The following TAOK1 variants were observed in gnomAD, a reference collection of about 807,000 sequenced individuals.
TAOK1 encodes the protein serine/threonine-protein kinase TAO1.
TAOK1 carries 21 observed loss-of-function variants against 138.3 expected under a neutral mutation model. The observed-to-expected ratio is 0.15, with a 90% CI of 0.11 to 0.22. TAOK1 has a LOEUF of 0.22. TAOK1 is among the 10% of genes least tolerant of loss of function. The pLI, the probability that TAOK1 is intolerant of heterozygous loss-of-function variation, is 1.00. For synonymous variants in TAOK1, 361 were observed against 398.4 expected, an observed-to-expected ratio of 0.91 and a Z score of 1.12; for missense variants, 651 against 1,227.7, an observed-to-expected ratio of 0.53 and a Z score of 7.02.
chr17:29,493,094 C>T (rs546241970), intron 10 of TAOK1, among the ~76,000 whole-genome samples: 172 of 151,990 alleles, frequency 1.1e-3, no homozygotes, highest in African/African-American at 4.1e-3. Flanking sequence ...GAGCCAAGAT[C>T]GTGCCACTGT....
At chr17:29,539,460 G>T (rs528207452) in intron 19 of TAOK1, among the ~76,000 whole-genome samples, 2 of 152,190 alleles carry the variant, frequency 1.3e-5, no homozygotes, top group African/African-American at 4.8e-5. Flanking sequence ...TTTTGAGATG[G>T]AGTTTCACTC....
At chr17:29,427,527 CAAAA>C (rs1255682171) in intron 1 of TAOK1, among the ~76,000 whole-genome samples, 4 of 64,178 alleles carry the variant, frequency 6.2e-5, no homozygotes, top group East Asian at 4.4e-4. Flanking sequence ...AACTCCGTCT[CAAAA>C]AAAAAAAAAA....
chr17:29,475,276 T>A (rs1200613408), intron 3 of TAOK1, among the ~76,000 whole-genome samples: 1 of 152,204 alleles, frequency 6.6e-6, no homozygotes, highest in Non-Finnish European at 1.5e-5. Context: ...TTTGACATTT[T>A]ATCTAAAAAT....
chr17:29,403,478 A>C (rs1459280328), intron 1 of TAOK1, among the ~76,000 whole-genome samples: 1 of 152,188 alleles, frequency 6.6e-6, no homozygotes, highest in East Asian at 1.9e-4. Flanking sequence ...CTTGATAAGG[A>C]AACTTTGCTC....
At chr17:29,446,915 TTTTTAGTAGA>T (rs2030095532) in intron 1 of TAOK1, among the ~76,000 whole-genome samples, 1 of 151,810 alleles carries the variant, frequency 6.6e-6, no homozygotes, top group Admixed American at 6.6e-5. Flanking sequence ...ATTTTTAGTA[TTTTTAGTAGA>T]GGTAAAGTTT....
chr17:29,433,706 A>AG (rs113638360), intron 1 of TAOK1, among the ~76,000 whole-genome samples: 19,933 of 152,128 alleles, frequency 0.13, 1,437 homozygotes, highest in South Asian at 0.21. Context: ...CAGGAAGTGG[A>AG]GGGGCCAGAC....
chr17:29,397,627 T>TGG (rs1204278700), intron 1 of TAOK1, among the ~76,000 whole-genome samples: 1 of 44,746 alleles, frequency 2.2e-5, no homozygotes, highest in East Asian at 2.7e-3. Context: ...TATATATATA[T>TGG]ATACATGTAT....
In TAOK1 at chr17:29,409,700, G is replaced by T. The variant is rs145419541; in HGVS notation, c.-95+18676G>T. On this transcript the variant is annotated intron_variant, in intron 1 of 19. Transcript: ENST00000261716. ...AATTAGAAACTTTGGGATTATTTTT[G>T]ATTTGTTTAATCTCTTTTCTCACCT... 3.2e-3 allele frequency among the ~76,000 whole-genome samples: 486 copies of T among 152,148 alleles called. 3 individuals are homozygous for T. The highest frequency in any genetic ancestry group is 0.011 in the African/African-American group (470 of 41,532).
chr17:29,397,807 G>A (rs1442861870), intron 1 of TAOK1, among the ~76,000 whole-genome samples: 1 of 148,988 alleles, frequency 6.7e-6, no homozygotes, highest in Non-Finnish European at 1.5e-5. Context: ...ATTCATGTAT[G>A]TATATATGTA....
At chr17:29,483,793 A>G (rs992188616) in intron 8 of TAOK1, among the ~76,000 whole-genome samples, 1 of 152,192 alleles carries the variant, frequency 6.6e-6, no homozygotes, top group Non-Finnish European at 1.5e-5. Context: ...TGTTTCTTCC[A>G]TTTGAAAGTA....
rs1396111213 is a variant in TAOK1 at position 29,498,621 on chromosome 17, C to G, written c.1203+100C>G. The G allele has an allele frequency of 4.3e-6, 6 of 1,397,724 alleles. No homozygotes were observed. In the East Asian group the frequency reaches 1.5e-4, roughly 34 times the overall value. The allele number at this position is 1,397,724 out of a possible 1,614,324, so 86.6% of individuals were successfully genotyped here. ...GAAGAAGGAAGATAAGGAAGTTTCC[C>G]GAAGTTTGGAACATGGCTGGGCTCA... is the stretch of plus-strand genomic sequence containing the variant. On this transcript the variant is annotated intron_variant, in intron 12 of 19. Transcript: ENST00000261716.
intron 9 of TAOK1, among the ~76,000 whole-genome samples, chr17:29,490,117 T>A (rs1317286999): frequency 2.2e-5 from 2 of 91,316 alleles, no homozygotes; most frequent in African/African-American, 8.6e-5. Context: ...TATTACAACC[T>A]ATAGTGATAT....
At chr17:29,430,212 C>T (rs1471190119) in intron 1 of TAOK1, among the ~76,000 whole-genome samples, 1 of 152,186 alleles carries the variant, frequency 6.6e-6, no homozygotes, top group Non-Finnish European at 1.5e-5. Context: ...AATGAAAGTA[C>T]ACTCCACAGT....
At chr17:29,406,413 C>CA (rs1487717936) in intron 1 of TAOK1, among the ~76,000 whole-genome samples, 1 of 151,738 alleles carries the variant, frequency 6.6e-6, no homozygotes, top group Non-Finnish European at 1.5e-5. Flanking sequence ...CATGAATGAT[C>CA]AATATTGAAG....
At chr17:29,402,897 C>T (rs921109928) in intron 1 of TAOK1, among the ~76,000 whole-genome samples, 2 of 150,516 alleles carry the variant, frequency 1.3e-5, no homozygotes, top group Admixed American at 1.3e-4. Flanking sequence ...AAATTAGGCC[C>T]GGCGCAGTGG....
At chr17:29,460,475 C>G (rs1415627243) in intron 2 of TAOK1, among the ~76,000 whole-genome samples, 3 of 152,186 alleles carry the variant, frequency 2.0e-5, no homozygotes, top group African/African-American at 7.2e-5. Flanking sequence ...CAGGCATGAG[C>G]CACCACACCC....
chr17:29,403,355 G>A (rs556075858), intron 1 of TAOK1, among the ~76,000 whole-genome samples: 2 of 152,114 alleles, frequency 1.3e-5, no homozygotes, highest in South Asian at 4.2e-4. Flanking sequence ...TTGATGAACA[G>A]CATTACTAAA....
chr17:29,526,801 T>C (rs910697330), intron 17 of TAOK1, among the ~76,000 whole-genome samples: 17 of 107,928 alleles, frequency 1.6e-4, no homozygotes, highest in South Asian at 6.0e-4. Flanking sequence ...CTGGGCAGCA[T>C]AGGGAGATCT....
chr17:29,486,640 A>G (rs2031179679), intron 8 of TAOK1, among the ~76,000 whole-genome samples: 1 of 152,192 alleles, frequency 6.6e-6, no homozygotes, highest in South Asian at 2.1e-4. Flanking sequence ...TCAAGAAAAA[A>G]AAAAAAGTTA....
Sources: allele counts gnomAD v4.1 joint callset (sites outside exome capture counted in the v4.1 genomes callset), GRCh38; gene constraint gnomAD v4.1.1; transcripts MANE v1.5; gene names NCBI Gene and HGNC (gene_info 2026-07-23, HGNC 2026-07-21).